Variants in SKAP1 observed in about 807,000 individuals in gnomAD.
The protein encoded by SKAP1 is src kinase associated phosphoprotein 1, also known as src kinase-associated phosphoprotein 1.
A neutral mutation model predicts 58.5 loss-of-function variants in SKAP1; 44 were observed. The observed-to-expected ratio is 0.75, with a 90% CI of 0.59 to 0.97. SKAP1 has a LOEUF of 0.97. Among genes scored for constraint, SKAP1 ranks in the 50% least tolerant of loss-of-function variants. The pLI is 0.00. For synonymous variants in SKAP1, 127 were observed against 149.7 expected, an observed-to-expected ratio of 0.85 and a Z score of 1.11; for missense variants, 390 against 435.2, an observed-to-expected ratio of 0.90 and a Z score of 0.92.
intron 9 of SKAP1, among the ~76,000 whole-genome samples, chr17:48,173,491 G>C (rs974189820): frequency 6.6e-6 from 1 of 152,152 alleles, no homozygotes; most frequent in African/African-American, 2.4e-5. Context: ...TCTCAGCTAT[G>C]ATGCATTTCT....
At chr17:48,253,998 T>C (rs187101496) in intron 4 of SKAP1, among the ~76,000 whole-genome samples, 1 of 152,338 alleles carries the variant, frequency 6.6e-6, no homozygotes, top group Non-Finnish European at 1.5e-5. Flanking sequence ...AATGAGATTA[T>C]GCACCTTCAG....
rs187414578 is a variant in SKAP1, at chr17:48,220,958, T to A, written c.281-31458A>T. 4.3e-3 allele frequency among the ~76,000 whole-genome samples: 635 copies of A among 148,758 alleles called. 1 individual carries two copies. Among genetic ancestry groups the A allele is most frequent in the Non-Finnish European group, 7.3e-3 (489 of 67,392 alleles). Reference sequence around the variant, plus strand: ...TTGATGTGGGTAGGGCTTACATAAGTGTGTTCACTTTGTTAAAAAAAATCA... The same window carrying A: ...TTGATGTGGGTAGGGCTTACATAAGAGTGTTCACTTTGTTAAAAAAAATCA... On this transcript the variant is annotated intron_variant, in intron 4 of 12. Coordinates refer to ENST00000336915, the MANE Select transcript of SKAP1 (RefSeq NM_003726.4).
intron 3 of SKAP1, among the ~76,000 whole-genome samples, chr17:48,361,072 T>TACTAC (rs1245963497): frequency 2.0e-4 from 2 of 9,920 alleles, no homozygotes; most frequent in African/African-American, 4.8e-4. Flanking sequence ...ACTTGTACTG[T>TACTAC]ACTATACTAT....
At chr17:48,156,556 T>C (rs756669213) in intron 11 of SKAP1, 3 of 492,592 alleles carry the variant, frequency 6.1e-6, no homozygotes, top group South Asian at 3.1e-5. Context: ...CAGAAATATC[T>C]GAGTCCAAAA....
At chr17:48,248,462 G>A (rs1458530104) in intron 4 of SKAP1, among the ~76,000 whole-genome samples, 4 of 152,176 alleles carry the variant, frequency 2.6e-5, no homozygotes, top group Non-Finnish European at 5.9e-5. Context: ...AGCTACTCAT[G>A]AGGCTGAGGC....
At chr17:48,163,751 C>G (rs2064101617) in intron 10 of SKAP1, among the ~76,000 whole-genome samples, 1 of 152,068 alleles carries the variant, frequency 6.6e-6, no homozygotes, top group South Asian at 2.1e-4. Context: ...GCACAGACAC[C>G]CTCCCTATAT....
chr17:48,193,848 G>A (rs917103186), intron 4 of SKAP1: 1 of 547,724 alleles, frequency 1.8e-6, no homozygotes, highest in Non-Finnish European at 2.3e-6. Context: ...TTTAAAGGAC[G>A]GTTATAAAAA....
In SKAP1 at chr17:48,278,851, C is replaced by T. The variant is rs534580853; in HGVS notation, c.280+67054G>A. 1.9e-3 allele frequency among the ~76,000 whole-genome samples: 284 copies of T among 152,212 alleles called. 1 individual carries two copies. The highest frequency in any genetic ancestry group is 6.7e-3 in the African/African-American group (278 of 41,518). ...CATATTGAGTCAGGTACTGGAAAGA[C>T]ATCCATGTGTTACTATGAGGAGGGA... On this transcript the variant is annotated intron_variant, in intron 4 of 12. Transcript: ENST00000336915.
At chr17:48,148,525 G>C (rs1367897336) in intron 11 of SKAP1, among the ~76,000 whole-genome samples, 1 of 152,208 alleles carries the variant, frequency 6.6e-6, no homozygotes, top group African/African-American at 2.4e-5. Context: ...TCTGACCGCA[G>C]TACCAGCCTC....
intron 2 of SKAP1, among the ~76,000 whole-genome samples, chr17:48,375,778 A>G (rs540878945): frequency 1.0e-3 from 157 of 152,046 alleles, no homozygotes; most frequent in Non-Finnish European, 1.4e-3. Context: ...AAAAGGAGTC[A>G]TTGAAAGGTC....
chr17:48,150,860 T>C (rs574407162), intron 11 of SKAP1, among the ~76,000 whole-genome samples: 1 of 152,332 alleles, frequency 6.6e-6, no homozygotes, highest in East Asian at 1.9e-4. Context: ...CTCTTTTCCC[T>C]ACCCTCCTGG....
At chr17:48,413,385 A>C (rs1400482737) in intron 1 of SKAP1, among the ~76,000 whole-genome samples, 1 of 150,918 alleles carries the variant, frequency 6.6e-6, no homozygotes, top group East Asian at 1.9e-4. Flanking sequence ...ATGGTGGCAC[A>C]TGCCTGTAAT....
rs778961593 is a variant in SKAP1 at position 48,189,471 on chromosome 17, C to T, written c.310G>A (p.Glu104Lys). Residue 104 changes from glutamate to lysine, a missense_variant, in exon 5 of 13, where the codon GAA becomes AAA. Glu to Lys is a moderately conservative substitution (Grantham distance 56, BLOSUM62 1). Coordinates refer to ENST00000336915, the MANE Select transcript of SKAP1 (RefSeq NM_003726.4). ...GMEDIVKGAQ[E>K]LDNVIKQGYL... is the part of the protein sequence containing the mutation. ...CCTTGCTTGATTACGTTATCAAGTT[C>T]TTGAGCTCCTTTTACGATGTCTTCC... 17 of 1,613,546 alleles carry T rather than the reference C, an allele frequency of 1.1e-5. No homozygotes were observed. The highest frequency in any genetic ancestry group is 1.4e-5 in the Non-Finnish European group (17 of 1,179,878).
At chr17:48,395,070 C>G (rs12946636) in intron 2 of SKAP1, among the ~76,000 whole-genome samples, 51,282 of 151,992 alleles carry the variant, frequency 0.34, 9,410 homozygotes, top group African/African-American at 0.48. Context: ...AAACCACACA[C>G]AAAGTTCTTT....
chr17:48,404,806 C>CA (rs1409285060), intron 1 of SKAP1, among the ~76,000 whole-genome samples: 1 of 151,580 alleles, frequency 6.6e-6, no homozygotes, highest in Non-Finnish European at 1.5e-5. Flanking sequence ...TGTACTGTAT[C>CA]AAAAAATTAC....
At chr17:48,266,425 CGTTA>C (rs1043841619) in intron 4 of SKAP1, among the ~76,000 whole-genome samples, 23 of 152,054 alleles carry the variant, frequency 1.5e-4, no homozygotes, top group Middle Eastern at 3.4e-3. Context: ...CTATTGAAAC[CGTTA>C]GTTCAAGAAA....
At chr17:48,420,395 C>A (rs577658226) in intron 1 of SKAP1, among the ~76,000 whole-genome samples, 3 of 152,106 alleles carry the variant, frequency 2.0e-5, no homozygotes. Flanking sequence ...ACTTGTTTTG[C>A]TGTGTGTCAC....
chr17:48,277,063 A>G (rs1412858319), intron 4 of SKAP1, among the ~76,000 whole-genome samples: 1 of 152,228 alleles, frequency 6.6e-6, no homozygotes, highest in Non-Finnish European at 1.5e-5. Context: ...GTCAATAAGC[A>G]TCATAGGCCT....
chr17:48,234,198 T>C (rs2143794524), intron 4 of SKAP1, among the ~76,000 whole-genome samples: 1 of 152,366 alleles, frequency 6.6e-6, no homozygotes, highest in Middle Eastern at 3.4e-3. Flanking sequence ...CTGTCTCCAA[T>C]GATAGCTCCA....
Sources: allele counts gnomAD v4.1 joint callset (sites outside exome capture counted in the v4.1 genomes callset), GRCh38; gene constraint gnomAD v4.1.1; transcripts MANE v1.5; gene names NCBI Gene and HGNC (gene_info 2026-07-23, HGNC 2026-07-21).